Variants in ARHGAP6 observed in about 807,000 individuals in gnomAD.
ARHGAP6 encodes Rho GTPase activating protein 6, also known as rho GTPase-activating protein 6.
In ARHGAP6, 16 loss-of-function variants were observed where a neutral mutation model predicts 55.7. The ratio of observed to expected loss-of-function variants is 0.29; its 90% CI spans 0.19 to 0.44. The LOEUF is 0.44. Among genes scored for constraint, ARHGAP6 ranks in the 20% least tolerant of loss-of-function variants. The probability of loss-of-function intolerance (pLI) is 1.00; values close to 1 mark genes in which losing one functional copy is unlikely to be tolerated. For synonymous variants in ARHGAP6, 382 were observed against 360.9 expected, an observed-to-expected ratio of 1.06 and a Z score of -0.66; for missense variants, 698 against 808.9, an observed-to-expected ratio of 0.86 and a Z score of 1.66.
At chrX:11,211,253 C>CG (rs370583664) in intron 2 of ARHGAP6, among the ~76,000 whole-genome samples, 1,097 of 86,727 alleles carry the variant, frequency 0.013, 18 homozygotes, top group African/African-American at 0.045. Flanking sequence ...GATGGAGTTT[C>CG]CTCTGTCGCC....
intron 1 of ARHGAP6, among the ~76,000 whole-genome samples, chrX:11,336,191 G>C (rs1048010057): frequency 4.5e-5 from 5 of 111,629 alleles, no homozygotes; most frequent in African/African-American, 1.6e-4. Context: ...GAATGCCTCT[G>C]TGTGAAGTAA....
chrX:11,139,298 G>A lies in ARHGAP6; in HGVS notation c.2490C>T (p.Ala830=), dbSNP rs2045587962. Residue 830 remains alanine (A), a synonymous_variant, in exon 13 of 13, where the codon GCC becomes GCT. Transcript: ENST00000337414. ...STPHVQVAGK[A]ERPTARSEQY... ...GCTCCGACCTGGCCGTGGGCCGCTC[G>A]GCTTTCCCTGCCACCTGGACGTGGG... The A allele has an allele frequency of 1.7e-6, 2 of 1,185,287 alleles. No homozygotes were observed. The highest frequency in any genetic ancestry group is 1.8e-5 in the African/African-American group (1 of 56,934).
chrX:11,635,971 C>A (rs1166603965), intron 1 of ARHGAP6, among the ~76,000 whole-genome samples: 1 of 111,500 alleles, frequency 9.0e-6, no homozygotes, highest in Non-Finnish European at 1.9e-5. Context: ...ATCTTAATTT[C>A]TGACATGCTG....
chrX:11,174,268 C>T (rs1317093364), intron 8 of ARHGAP6, among the ~76,000 whole-genome samples: 1 of 111,941 alleles, frequency 8.9e-6, no homozygotes, highest in African/African-American at 3.2e-5. Context: ...TAAATTCAAC[C>T]TCCTCCATGA....
chrX:11,310,160 CAAAA>C (rs141903078), intron 1 of ARHGAP6, among the ~76,000 whole-genome samples: 88 of 48,080 alleles, frequency 1.8e-3, no homozygotes, highest in African/African-American at 6.2e-3. Flanking sequence ...GACTCTATCT[CAAAA>C]AAAAAAAAAA....
At chrX:11,231,060 C>A (rs371748350) in intron 2 of ARHGAP6, among the ~76,000 whole-genome samples, 1 of 111,622 alleles carries the variant, frequency 9.0e-6, no homozygotes, top group Non-Finnish European at 1.9e-5. Context: ...ATTAAGATAA[C>A]GTTTAATTTA....
chrX:11,647,981 A>C (rs1348768001), intron 1 of ARHGAP6, among the ~76,000 whole-genome samples: 2 of 112,456 alleles, frequency 1.8e-5, no homozygotes, highest in Non-Finnish European at 3.8e-5. Context: ...GTCCTGAAGC[A>C]GGAAAAGGAT....
At chrX:11,437,897 G>C (rs1309992767) in intron 1 of ARHGAP6, among the ~76,000 whole-genome samples, 1 of 112,144 alleles carries the variant, frequency 8.9e-6, no homozygotes, top group Admixed American at 9.4e-5. Flanking sequence ...AAAGATCTGA[G>C]ATATTCCGGG....
intron 1 of ARHGAP6, among the ~76,000 whole-genome samples, chrX:11,507,533 T>A (rs1229901872): frequency 2.7e-5 from 3 of 112,141 alleles, no homozygotes; most frequent in Non-Finnish European, 5.6e-5. Flanking sequence ...TTTCACCTCA[T>A]GAGTTCTCAA....
intron 1 of ARHGAP6, among the ~76,000 whole-genome samples, chrX:11,395,259 C>G (rs1214276380): frequency 4.5e-5 from 5 of 111,770 alleles, no homozygotes; most frequent in Admixed American, 3.8e-4. Context: ...AGTGAAGAAA[C>G]ACTAAGAAGC....
intron 1 of ARHGAP6, among the ~76,000 whole-genome samples, chrX:11,383,781 C>A (rs1219298627): frequency 9.0e-6 from 1 of 111,470 alleles, no homozygotes; most frequent in African/African-American, 3.3e-5. Flanking sequence ...AAGAAATAAG[C>A]TAAGGAGTGA....
chrX:11,354,294 TTTCTCTC>T (rs2048900440), intron 1 of ARHGAP6, among the ~76,000 whole-genome samples: 1 of 59,873 alleles, frequency 1.7e-5, no homozygotes, highest in Non-Finnish European at 3.0e-5. Flanking sequence ...TCTCTCTCTC[TTTCTCTC>T]TCTCTCTCTC....
chrX:11,641,884 T>A, intron 1 of ARHGAP6, among the ~76,000 whole-genome samples: 1 of 111,739 alleles, frequency 8.9e-6, no homozygotes. Flanking sequence ...TAATTATCAA[T>A]CATATCATCA....
chrX:11,362,617 G>A (rs1196164724), intron 1 of ARHGAP6, among the ~76,000 whole-genome samples: 1 of 108,474 alleles, frequency 9.2e-6, no homozygotes, highest in Non-Finnish European at 1.9e-5. Context: ...TAACTAACCT[G>A]CACATTGTGC....
chrX:11,532,213 T>C (rs1357434739), intron 1 of ARHGAP6, among the ~76,000 whole-genome samples: 1 of 112,681 alleles, frequency 8.9e-6, no homozygotes, highest in Non-Finnish European at 1.9e-5. Context: ...AATCACTTTA[T>C]ACATACGTAC....
intron 1 of ARHGAP6, among the ~76,000 whole-genome samples, chrX:11,645,289 C>T (rs1400750625): frequency 9.0e-6 from 1 of 111,067 alleles, no homozygotes; most frequent in Non-Finnish European, 1.9e-5. Flanking sequence ...GTACTAAAAT[C>T]CATAGAATTA....
intron 1 of ARHGAP6, among the ~76,000 whole-genome samples, chrX:11,376,280 G>A (rs2049199815): frequency 8.9e-6 from 1 of 112,652 alleles, no homozygotes; most frequent in Admixed American, 9.3e-5. Context: ...ATATGATTAA[G>A]TGTATAGACC....
chrX:11,251,430 C>T (rs937380497), intron 2 of ARHGAP6, among the ~76,000 whole-genome samples: 1 of 111,765 alleles, frequency 8.9e-6, no homozygotes, highest in Non-Finnish European at 1.9e-5. Context: ...CTCCCCCATC[C>T]TCAATTCTTT....
At chrX:11,151,892 C>G (rs1045377464) in intron 10 of ARHGAP6, among the ~76,000 whole-genome samples, 4 of 111,688 alleles carry the variant, frequency 3.6e-5, no homozygotes, top group Non-Finnish European at 7.5e-5. Context: ...GGGTTAGAAG[C>G]AAATATAGTG....
Sources: allele counts gnomAD v4.1 joint callset (sites outside exome capture counted in the v4.1 genomes callset), GRCh38; gene constraint gnomAD v4.1.1; transcripts MANE v1.5; gene names NCBI Gene and HGNC (gene_info 2026-07-23, HGNC 2026-07-21).